Variants in P2RY2 observed in about 807,000 individuals in gnomAD.
P2RY2 encodes the protein purinergic receptor P2Y2.
For synonymous variants in P2RY2, 241 were observed against 231.9 expected, an observed-to-expected ratio of 1.04 and a Z score of -0.35; for missense variants, 567 against 515.7, an observed-to-expected ratio of 1.10 and a Z score of -0.96.
At chr11:73,222,040 G>C (rs962264073) in intron 1 of P2RY2, among the ~76,000 whole-genome samples, 24 of 152,294 alleles carry the variant, frequency 1.6e-4, no homozygotes, top group African/African-American at 5.3e-4. Flanking sequence ...TGAGTAGCGG[G>C]AGTTTCTGGT....
intron 1 of P2RY2, among the ~76,000 whole-genome samples, chr11:73,224,785 T>C (rs576780554): frequency 2.6e-5 from 4 of 152,330 alleles, no homozygotes; most frequent in African/African-American, 9.6e-5. Flanking sequence ...CGAAGCTTCC[T>C]GCCCTTCTTG....
At chr11:73,221,553 C>T (rs1247887825) in intron 1 of P2RY2, among the ~76,000 whole-genome samples, 2 of 152,290 alleles carry the variant, frequency 1.3e-5, no homozygotes, top group African/African-American at 4.8e-5. Flanking sequence ...CCCAGACCTG[C>T]CCACGGGACC....
intron 1 of P2RY2, among the ~76,000 whole-genome samples, chr11:73,223,349 G>A (rs1477123919): frequency 6.7e-6 from 1 of 150,332 alleles, no homozygotes; most frequent in African/African-American, 2.4e-5. Context: ...GACCTTGCCT[G>A]ACTGCTCTGA....
intron 1 of P2RY2, among the ~76,000 whole-genome samples, chr11:73,226,373 A>G (rs902106038): frequency 6.6e-6 from 1 of 152,172 alleles, no homozygotes; most frequent in Admixed American, 6.5e-5. Flanking sequence ...AAGGCTGACC[A>G]TCCCTCACCT....
chr11:73,234,948 C>A lies in P2RY2; in HGVS notation c.789C>A (p.Val263=). The A allele has an allele frequency of 1.2e-6, 2 of 1,610,944 alleles. No homozygotes were observed. The highest frequency in any genetic ancestry group is 1.7e-6 in the Non-Finnish European group (2 of 1,180,002). The change falls in exon 3 of 3, where the codon GTC becomes GTA. Residue 263 remains valine, a synonymous_variant. Transcript: ENST00000393597. ...VFALCFLPFH[V]TRTLYYSFRS... ...CCCTCTGCTTCCTGCCATTCCACGT[C>A]ACCCGCACCCTCTACTACTCCTTCC...
intron 2 of P2RY2, 95 bp from the exon 3 acceptor site, chr11:73,234,061 G>A: frequency 2.1e-6 from 3 of 1,457,578 alleles, no homozygotes; most frequent in South Asian, 1.4e-5. Context: ...ATCCAAGTCA[G>A]ATGGCAATGA....
chr11:73,223,595 C>T (rs566711332), intron 1 of P2RY2, among the ~76,000 whole-genome samples: 1 of 152,352 alleles, frequency 6.6e-6, no homozygotes, highest in Admixed American at 6.5e-5. Context: ...GAACCCGAGG[C>T]TCTGAGAAGG....
chr11:73,239,412 G>C lies in P2RY2; in HGVS notation c.*4119G>C, dbSNP rs1450038684. ...CTTGTCCAGGTGCCCAGCTGTGGGAGGGCAGCATGGAGAGGAGGAAGAGGG... is the reference window on the plus strand; with the variant it reads ...CTTGTCCAGGTGCCCAGCTGTGGGACGGCAGCATGGAGAGGAGGAAGAGGG... On this transcript the variant is annotated 3_prime_UTR_variant, in exon 3 of 3. Transcript: ENST00000393597. 2.0e-5 allele frequency: 3 copies of C among 152,406 alleles called. No individual in the cohort carries two copies. Among genetic ancestry groups the C allele is most frequent in the Non-Finnish European group, 4.4e-5 (3 of 68,166 alleles). 9.4% of individuals were successfully genotyped at this position (152,406 alleles called of 1,614,324 possible).
intron 2 of P2RY2, among the ~76,000 whole-genome samples, chr11:73,229,398 C>T (rs775252304): frequency 3.9e-5 from 6 of 151,914 alleles, no homozygotes; most frequent in East Asian, 1.9e-4. Context: ...GGCTGGTGAG[C>T]GTTGGATAGT....
chr11:73,220,662 G>T (rs1862091146), intron 1 of P2RY2, among the ~76,000 whole-genome samples: 2 of 152,202 alleles, frequency 1.3e-5, no homozygotes, highest in South Asian at 4.1e-4. Context: ...GGAGGCTCTG[G>T]CACAAAAGGC....
At chr11:73,233,541 A>C (rs1253732627) in intron 2 of P2RY2, among the ~76,000 whole-genome samples, 1 of 152,254 alleles carries the variant, frequency 6.6e-6, no homozygotes, top group Non-Finnish European at 1.5e-5. Context: ...TGGCACCCCC[A>C]GGTCCTCAGA....
chr11:73,218,893 C>T (rs1293938746), intron 1 of P2RY2, among the ~76,000 whole-genome samples: 2 of 152,138 alleles, frequency 1.3e-5, no homozygotes, highest in African/African-American at 4.8e-5. Context: ...CTCTGGGTGG[C>T]CACCTACCAT....
At chr11:73,219,411 C>A (rs1332068143) in intron 1 of P2RY2, among the ~76,000 whole-genome samples, 1 of 152,192 alleles carries the variant, frequency 6.6e-6, no homozygotes, top group Non-Finnish European at 1.5e-5. Context: ...CTGGGCAAGC[C>A]GTCCTTTCTC....
intron 1 of P2RY2, among the ~76,000 whole-genome samples, chr11:73,227,261 T>A (rs1436032789): frequency 6.6e-6 from 1 of 152,200 alleles, no homozygotes; most frequent in Admixed American, 6.5e-5. Context: ...CAGGAACTCA[T>A]CCTTTTTTAT....
chr11:73,221,661 G>A (rs534353508), intron 1 of P2RY2, among the ~76,000 whole-genome samples: 1 of 152,302 alleles, frequency 6.6e-6, no homozygotes, highest in Admixed American at 6.5e-5. Context: ...AGGCCTGCTT[G>A]CTATACCCTC....
At chr11:73,232,633 T>A (rs1280734497) in intron 2 of P2RY2, among the ~76,000 whole-genome samples, 1 of 152,156 alleles carries the variant, frequency 6.6e-6, no homozygotes, top group Admixed American at 6.5e-5. Flanking sequence ...GGTCTTGAAC[T>A]CCTGGCCTCA....
intron 2 of P2RY2, 85 bp downstream of exon 2, chr11:73,228,260 A>C (rs1862346095): frequency 6.6e-6 from 1 of 151,620 alleles, no homozygotes; most frequent in Non-Finnish European, 1.5e-5. Flanking sequence ...TCTGCCCTGA[A>C]CTGGCTTAGA....
Position 73,234,374 on chromosome 11 carries a change from T to A in P2RY2, c.215T>A (p.Met72Lys). The A allele has an allele frequency of 6.2e-7, 1 of 1,614,228 alleles. No individual in the cohort carries two copies. The highest frequency in any genetic ancestry group is 8.5e-7 in the Non-Finnish European group (1 of 1,180,034). Residue 72 changes from methionine to lysine, a missense_variant, in exon 3 of 3, where the codon ATG (methionine) becomes AAG (lysine). Met to Lys is a moderately conservative substitution (Grantham distance 95). Transcript: ENST00000393597. ...LKTWNASTTY[M>K]FHLAVSDALY... The stretch of plus-strand genomic sequence containing the variant: ...ACCTGGAATGCGTCCACCACATATA[T>A]GTTCCACCTGGCTGTGTCTGATGCA...
In P2RY2 at chr11:73,236,304, C is replaced by T; in HGVS notation, c.*1011C>T. 2.0e-6 allele frequency: 1 copy of T among 493,768 alleles called. No individual in the cohort carries two copies. The highest frequency in any genetic ancestry group is 2.7e-6 in the Non-Finnish European group (1 of 366,656). The allele number at this position is 493,768 out of a possible 1,614,324, so 30.6% of individuals were successfully genotyped here. A position where few individuals can be genotyped will look rare whatever the true frequency, so the allele number is the denominator to read the frequency against. On this transcript the variant is annotated 3_prime_UTR_variant, in exon 3 of 3. Transcript: ENST00000393597. ...TGCCCATTTCCATGGTGCAAAAACT[C>T]TTATGGCCAAATTCAAACTATAAAC...
Sources: gnomAD v4.1 joint callset for allele counts (sites outside exome capture counted in the v4.1 genomes callset) on GRCh38, gnomAD v4.1.1 for gene constraint, MANE v1.5 for transcripts, NCBI Gene and HGNC (gene_info 2026-07-23, HGNC 2026-07-21) for gene names.